Variants in RAP1GAP2 observed in about 807,000 individuals in gnomAD.
RAP1GAP2 encodes the protein rap1 GTPase-activating protein 2.
In RAP1GAP2, 27 loss-of-function variants were observed where a neutral mutation model predicts 95.0. The observed-to-expected ratio is 0.28, with a 90% CI of 0.21 to 0.39. RAP1GAP2 has a LOEUF of 0.39. Ranked by LOEUF, RAP1GAP2 falls within the 10% of genes least tolerant of loss-of-function variation. The probability of loss-of-function intolerance (pLI) is 1.00; values close to 1 mark genes in which losing one functional copy is unlikely to be tolerated. For synonymous variants in RAP1GAP2, 373 were observed against 380.9 expected (o/e 0.98, Z 0.24); for missense variants, 771 against 970.0 (o/e 0.79, Z 2.72).
intron 11 of RAP1GAP2, among the ~76,000 whole-genome samples, chr17:2,991,065 G>A (rs1042082916): frequency 3.3e-5 from 5 of 151,744 alleles, no homozygotes; most frequent in African/African-American, 9.7e-5. Flanking sequence ...GGCTGGTCTC[G>A]AACTCCTGAC....
At chr17:3,013,035 G>C (rs1371200894) in intron 17 of RAP1GAP2, among the ~76,000 whole-genome samples, 1 of 152,230 alleles carries the variant, frequency 6.6e-6, no homozygotes, top group Non-Finnish European at 1.5e-5. Context: ...GGACCGGGGA[G>C]GAGAAGGCTG....
intron 11 of RAP1GAP2, among the ~76,000 whole-genome samples, chr17:2,987,438 A>G (rs2045592366): frequency 6.6e-6 from 1 of 150,808 alleles, no homozygotes. Context: ...ATCTCGGCTC[A>G]TTGCAACCTC....
intron 3 of RAP1GAP2, among the ~76,000 whole-genome samples, chr17:2,939,415 A>G (rs1313771905): frequency 6.6e-6 from 1 of 152,076 alleles, no homozygotes; most frequent in Non-Finnish European, 1.5e-5. Context: ...CTCTTTCTTC[A>G]CACCTCTTAG....
intron 17 of RAP1GAP2, among the ~76,000 whole-genome samples, chr17:3,014,700 C>T (rs951420701): frequency 6.6e-6 from 1 of 152,076 alleles, no homozygotes; most frequent in Non-Finnish European, 1.5e-5. Flanking sequence ...TAGGCACACA[C>T]CACCATGCCT....
At chr17:2,802,683 A>T (rs1413931319) in intron 2 of RAP1GAP2, among the ~76,000 whole-genome samples, 1 of 152,014 alleles carries the variant, frequency 6.6e-6, no homozygotes, top group Admixed American at 6.6e-5. Flanking sequence ...AGCCTGGGAG[A>T]CAAGAGTGAA....
At chr17:2,850,243 G>A (rs1368241094) in intron 2 of RAP1GAP2, among the ~76,000 whole-genome samples, 2 of 149,850 alleles carry the variant, frequency 1.3e-5, no homozygotes, top group African/African-American at 4.9e-5. Context: ...CTCATGATCC[G>A]CCCGCCTCGG....
chr17:2,816,982 CTTTTTT>C (rs148255771), intron 2 of RAP1GAP2, among the ~76,000 whole-genome samples: 1 of 48,666 alleles, frequency 2.1e-5, no homozygotes, highest in African/African-American at 7.4e-5. Flanking sequence ...TCAGAATTTC[CTTTTTT>C]TTTTTTTTTT....
At chr17:2,905,114 C>T (rs2042156809) in intron 2 of RAP1GAP2, among the ~76,000 whole-genome samples, 170 bp from the exon 3 acceptor site, 1 of 152,188 alleles carries the variant, frequency 6.6e-6, no homozygotes, top group African/African-American at 2.4e-5. Flanking sequence ...AACTCCTGAC[C>T]TCAGGTGATC....
intron 3 of RAP1GAP2, among the ~76,000 whole-genome samples, chr17:2,948,633 CA>C (rs2151449498): frequency 7.7e-6 from 1 of 129,124 alleles, no homozygotes; most frequent in Admixed American, 8.1e-5. Context: ...AAGCCGTGTC[CA>C]TGTGTAGAGC....
Position 3,026,430 on chromosome 17 carries a change from G to GGGAGGGCGAGGCCATGGA in RAP1GAP2, c.1956_1973dup (p.Glu652_Gly657dup). On this transcript the variant is annotated inframe_insertion, in exon 21 of 25. Coordinates refer to ENST00000254695, the MANE Select transcript of RAP1GAP2 (RefSeq NM_015085.5). ...ACCAGCAGCGTCAGCAGCACTGCAG[G>GGGAGGGCGAGGCCATGGA]GGAGGGCGAGGCCATGGAGGAGGGC... The GGGAGGGCGAGGCCATGGA allele has an allele frequency of 6.4e-7, 1 of 1,552,428 alleles. No homozygotes were observed. The highest frequency in any genetic ancestry group is 8.7e-7 in the Non-Finnish European group (1 of 1,147,610).
At position 2,800,477 on chromosome 17, in the gene RAP1GAP2, C is replaced by G. The variant is rs1447190383; in HGVS notation, c.45-38C>G. The G allele has an allele frequency of 3.7e-6, 6 of 1,605,092 alleles. No homozygotes were observed. In the Admixed American group the frequency reaches 5.1e-5, roughly 14 times the overall value. ...CAGATGCTATGTAGGAGTCTTCAGC[C>G]TCAGCACTGACCGGAGCCCTTGCTT... is the stretch of plus-strand genomic sequence containing the variant. On this transcript the variant is annotated intron_variant, in intron 1 of 24. Coordinates refer to ENST00000254695, the MANE Select transcript of RAP1GAP2 (RefSeq NM_015085.5).
At chr17:2,850,616 G>A (rs1473781387) in intron 2 of RAP1GAP2, among the ~76,000 whole-genome samples, 1 of 150,332 alleles carries the variant, frequency 6.7e-6, no homozygotes, top group Non-Finnish European at 1.5e-5. Flanking sequence ...CGGGCATGGT[G>A]GCGGGCGCCT....
intron 1 of RAP1GAP2, among the ~76,000 whole-genome samples, chr17:2,769,752 G>C (rs1431218219): frequency 6.6e-6 from 1 of 151,972 alleles, no homozygotes; most frequent in East Asian, 1.9e-4. Context: ...ACTTCTTTCA[G>C]CTTCAGACAA....
chr17:2,885,422 G>A (rs1476871080), intron 2 of RAP1GAP2, among the ~76,000 whole-genome samples: 2 of 152,182 alleles, frequency 1.3e-5, no homozygotes, highest in Non-Finnish European at 2.9e-5. Flanking sequence ...GAGCACCTCA[G>A]TTCATCCAGC....
At chr17:2,845,709 A>G (rs2151580605) in intron 2 of RAP1GAP2, among the ~76,000 whole-genome samples, 1 of 151,328 alleles carries the variant, frequency 6.6e-6, no homozygotes, top group East Asian at 2.0e-4. Flanking sequence ...CAAAATACAA[A>G]AATTAGTTGG....
intron 17 of RAP1GAP2, among the ~76,000 whole-genome samples, chr17:3,010,840 C>T (rs2151620750): frequency 6.6e-6 from 1 of 152,282 alleles, no homozygotes; most frequent in African/African-American, 2.4e-5. Flanking sequence ...TGAGGTAGCA[C>T]CGTGGGGCGT....
chr17:2,924,460 C>T (rs2042889249), intron 3 of RAP1GAP2, among the ~76,000 whole-genome samples: 1 of 151,702 alleles, frequency 6.6e-6, no homozygotes, highest in African/African-American at 2.4e-5. Context: ...TGTCTCTAAA[C>T]GGGAAGCCAG....
intron 1 of RAP1GAP2, among the ~76,000 whole-genome samples, chr17:2,783,688 C>T (rs2068708006): frequency 6.6e-6 from 1 of 152,252 alleles, no homozygotes; most frequent in South Asian, 2.1e-4. Flanking sequence ...ACTGATTTTG[C>T]CCATGAATCT....
chr17:2,878,292 G>T (rs1397410082), intron 2 of RAP1GAP2, among the ~76,000 whole-genome samples: 1 of 152,056 alleles, frequency 6.6e-6, no homozygotes, highest in Non-Finnish European at 1.5e-5. Flanking sequence ...GGTCATTTAG[G>T]GACACATTGG....
Sources: allele counts gnomAD v4.1 joint callset (sites outside exome capture counted in the v4.1 genomes callset), GRCh38; gene constraint gnomAD v4.1.1; transcripts MANE v1.5; gene names NCBI Gene and HGNC (gene_info 2026-07-23, HGNC 2026-07-21).